The following AKAP12 variants were observed in gnomAD, a reference collection of about 807,000 sequenced individuals.
AKAP12 encodes A-kinase anchoring protein 12, also known as A-kinase anchor protein 12.
AKAP12 carries 32 observed loss-of-function variants against 79.9 expected under a neutral mutation model. The observed-to-expected ratio is 0.40, with a 90% confidence interval of 0.30 to 0.54. AKAP12 has a LOEUF of 0.54. AKAP12 is among the 20% of genes least tolerant of loss of function. The probability of loss-of-function intolerance (pLI) is 0.48; values close to 1 mark genes in which losing one functional copy is unlikely to be tolerated. For synonymous variants in AKAP12, 808 were observed against 857.0 expected (o/e 0.94, Z 1.00); for missense variants, 2,074 against 2,177.0 (o/e 0.95, Z 0.94).
At chr6:151,341,199 G>A (rs1347880516) in intron 3 of AKAP12, among the ~76,000 whole-genome samples, 1 of 151,780 alleles carries the variant, frequency 6.6e-6, no homozygotes, top group Non-Finnish European at 1.5e-5. Context: ...TTACAGACAT[G>A]TGCCACCACG....
intron 4 of AKAP12, among the ~76,000 whole-genome samples, chr6:151,355,353 A>C (rs559603208): frequency 1.6e-3 from 249 of 151,038 alleles, no homozygotes; most frequent in African/African-American, 5.8e-3. Flanking sequence ...GCCAGGCTGG[A>C]GTGCAGTGGC....
chr6:151,277,788 G>C (rs756833608), intron 2 of AKAP12, among the ~76,000 whole-genome samples: 1 of 152,174 alleles, frequency 6.6e-6, no homozygotes, highest in Non-Finnish European at 1.5e-5. Context: ...AATTTTAAGA[G>C]TAATATGTGG....
At chr6:151,265,671 A>T (rs927174150) in intron 2 of AKAP12, among the ~76,000 whole-genome samples, 33 of 152,380 alleles carry the variant, frequency 2.2e-4, no homozygotes, top group African/African-American at 7.5e-4. Context: ...AAAAGTCAAG[A>T]ATAATAATGC....
At chr6:151,281,275 T>A (rs1008763461) in intron 2 of AKAP12, among the ~76,000 whole-genome samples, 4 of 152,234 alleles carry the variant, frequency 2.6e-5, no homozygotes, top group Admixed American at 6.5e-5. Context: ...ATTTTAATGC[T>A]ACTGAGAACA....
intron 3 of AKAP12, among the ~76,000 whole-genome samples, chr6:151,344,565 G>A (rs779284021): frequency 2.6e-5 from 4 of 151,874 alleles, no homozygotes; most frequent in African/African-American, 7.3e-5. Context: ...AGTCAGTCTC[G>A]CTCGGTCACC....
At chr6:151,249,589 G>A (rs1797136940) in intron 2 of AKAP12, among the ~76,000 whole-genome samples, 1 of 152,190 alleles carries the variant, frequency 6.6e-6, no homozygotes, top group African/African-American at 2.4e-5. Flanking sequence ...CATATATTTA[G>A]ATCTTTATTC....
chr6:151,275,359 T>G (rs1452341483), intron 2 of AKAP12, among the ~76,000 whole-genome samples: 1 of 152,126 alleles, frequency 6.6e-6, no homozygotes, highest in East Asian at 1.9e-4. Flanking sequence ...CAATGCTATT[T>G]GCTTTCGGGA....
At chr6:151,252,024 A>G (rs1289997403) in intron 2 of AKAP12, among the ~76,000 whole-genome samples, 1 of 152,054 alleles carries the variant, frequency 6.6e-6, no homozygotes, top group Non-Finnish European at 1.5e-5. Context: ...ATAAATAAAT[A>G]GAAGTAAAGC....
At chr6:151,330,334 T>C (rs991705696) in intron 3 of AKAP12, among the ~76,000 whole-genome samples, 7 of 152,210 alleles carry the variant, frequency 4.6e-5, no homozygotes, top group Admixed American at 2.6e-4. Context: ...TGATGTCACC[T>C]ATATGCTCCA....
chr6:151,291,767 G>A (rs9371209), intron 2 of AKAP12, among the ~76,000 whole-genome samples: 12,341 of 152,238 alleles, frequency 0.081, 696 homozygotes, highest in East Asian at 0.3. Context: ...TTAAGTAACC[G>A]ATGGATGCCA....
Position 151,344,580 on chromosome 6 carries a change from C to G in AKAP12, c.320-4131C>G, listed in dbSNP as rs139652217. 3.4e-3 allele frequency among the ~76,000 whole-genome samples: 523 copies of G among 152,204 alleles called. 1 individual carries two copies. The highest frequency in any genetic ancestry group is 0.012 in the African/African-American group (502 of 41,512). ...AGTCAGTCTCGCTCGGTCACCCAGG[C>G]TGGAGTGCAATGGCATGATCTTGGC... On this transcript the variant is annotated intron_variant, in intron 3 of 4. Transcript: ENST00000402676.
chr6:151,316,114 G>A (rs1777227283), intron 3 of AKAP12, among the ~76,000 whole-genome samples: 1 of 152,142 alleles, frequency 6.6e-6, no homozygotes. Context: ...TATATTCTCT[G>A]GGCTTAAAAT....
At chr6:151,319,701 G>A (rs1279897042) in intron 3 of AKAP12, 1 of 158,860 alleles carries the variant, frequency 6.3e-6, no homozygotes, top group Non-Finnish European at 1.5e-5. Context: ...TGGCTGATCG[G>A]GCTGGCTAGG....
At chr6:151,244,874 G>T (rs927398166) in intron 2 of AKAP12, among the ~76,000 whole-genome samples, 1 of 152,162 alleles carries the variant, frequency 6.6e-6, no homozygotes, top group East Asian at 1.9e-4. Context: ...TGCAGGAATC[G>T]CAGGGCTTCC....
intron 3 of AKAP12, among the ~76,000 whole-genome samples, chr6:151,340,012 C>T (rs746270816): frequency 5.9e-5 from 9 of 152,000 alleles, no homozygotes; most frequent in Non-Finnish European, 1.0e-4. Context: ...CTGCGAGCCC[C>T]GTCTCCCGGG....
At position 151,240,709 on chromosome 6, in the gene AKAP12, G is replaced by T; in HGVS notation, c.147G>T (p.Ser49=). 2 of 1,198,864 alleles carry T rather than the reference G, an allele frequency of 1.7e-6. No individual in the cohort carries two copies. Among genetic ancestry groups the T allele is most frequent in the South Asian group, 2.8e-5 (1 of 35,814 alleles). The allele number at this position is 1,198,864 out of a possible 1,614,324, so 74.3% of individuals were successfully genotyped here. The change falls in exon 2 of 5, where the codon TCG becomes TCT. Residue 49 remains serine, a synonymous_variant. Coordinates refer to ENST00000402676, the MANE Select transcript of AKAP12 (RefSeq NM_005100.4). ...DTTADPAIAA[S]DPATKLLQKN... is the part of the protein sequence containing the mutation. ...CCGCGGACCCCGCCATCGCTGCCTC[G>T]GACCCCGCCACCAAGGTACGGGCGT...
rs1157088954 is a variant in AKAP12 at position 151,304,488 on chromosome 6, C to CAAAAAAAAAAAAAAAA, written c.163-1243_163-1228dup. Among the ~76,000 whole-genome samples the CAAAAAAAAAAAAAAAA allele has an allele frequency of 4.3e-3, 199 of 45,996 alleles. 32 individuals carry two copies. Among genetic ancestry groups the CAAAAAAAAAAAAAAAA allele is most frequent in the Middle Eastern group, 0.022 (1 of 46 alleles). The allele number at this position is 45,996 out of a possible 152,430, so 30.2% of individuals were successfully genotyped here. A position where few individuals can be genotyped will look rare whatever the true frequency, so the allele number is the denominator to read the frequency against. ...TGGGTGAAACAGTGACACTCCATCT[C>CAAAAAAAAAAAAAAAA]AAAAAAAAAAAAAAAAAAAAAAAAA... On this transcript the variant is annotated intron_variant, in intron 2 of 4. Coordinates refer to ENST00000402676, the MANE Select transcript of AKAP12 (RefSeq NM_005100.4).
intron 3 of AKAP12, among the ~76,000 whole-genome samples, chr6:151,331,003 G>T (rs1013334761): frequency 6.6e-6 from 1 of 152,138 alleles, no homozygotes; most frequent in African/African-American, 2.4e-5. Flanking sequence ...GCACATACAC[G>T]TTATAGACCT....
chr6:151,263,659 A>G (rs1003477000), intron 2 of AKAP12, among the ~76,000 whole-genome samples: 4 of 151,920 alleles, frequency 2.6e-5, no homozygotes, highest in Non-Finnish European at 4.4e-5. Flanking sequence ...GCTCACTGCA[A>G]CTTCCGCCTC....
Sources: gnomAD v4.1 joint callset for allele counts (sites outside exome capture counted in the v4.1 genomes callset) on GRCh38, gnomAD v4.1.1 for gene constraint, MANE v1.5 for transcripts, NCBI Gene and HGNC (gene_info 2026-07-23, HGNC 2026-07-21) for gene names.